The following FBXO36 variants were observed in gnomAD, a reference collection of about 807,000 sequenced individuals.
FBXO36 encodes the protein F-box only protein 36.
Under a neutral mutation model 17.0 loss-of-function variants are expected in FBXO36, and 18 were observed. The ratio of observed to expected loss-of-function variants is 1.06; its 90% CI spans 0.73 to 1.57. The LOEUF is 1.57. Among genes scored for constraint, FBXO36 ranks in the 40% most tolerant of loss-of-function variants. The probability of loss-of-function intolerance (pLI) is 0.00; values close to 1 mark genes in which losing one functional copy is unlikely to be tolerated. For synonymous variants in FBXO36, 83 were observed against 85.3 expected, an observed-to-expected ratio of 0.97 and a Z score of 0.15; for missense variants, 229 against 221.9, an observed-to-expected ratio of 1.03 and a Z score of -0.20.
chr2:229,964,760 C>T (rs776420649), intron 1 of FBXO36, among the ~76,000 whole-genome samples: 5 of 152,214 alleles, frequency 3.3e-5, no homozygotes, highest in African/African-American at 1.2e-4. Context: ...ACCTCGTGAT[C>T]CTTCCGCCTC....
intron 1 of FBXO36, among the ~76,000 whole-genome samples, chr2:229,975,184 C>T (rs551204177): frequency 6.6e-6 from 1 of 152,246 alleles, no homozygotes; most frequent in African/African-American, 2.4e-5. Context: ...ACAAATGTGC[C>T]ATCAGCAGAT....
chr2:229,958,524 C>G (rs1460179255), intron 1 of FBXO36, among the ~76,000 whole-genome samples: 1 of 152,164 alleles, frequency 6.6e-6, no homozygotes, highest in Admixed American at 6.5e-5. Flanking sequence ...CCACCTTGGC[C>G]TCCCTAAGTG....
rs374786470 is a variant in FBXO36 at position 229,926,928 on chromosome 2, C to T, written c.96+4319C>T. On this transcript the variant is annotated intron_variant, in intron 1 of 3. Transcript: ENST00000283946. ...AGGCTGGAGTGCAGTGGGGTGATCT[C>T]GGCTCACTGCAACCTCCACCTTCTG... Among the ~76,000 whole-genome samples, 742 of 151,834 alleles carry T rather than the reference C, an allele frequency of 4.9e-3. 6 individuals are homozygous for T. The highest frequency in any genetic ancestry group is 0.02 in the Middle Eastern group (6 of 294).
At chr2:229,941,552 C>T (rs1352851544) in intron 1 of FBXO36, among the ~76,000 whole-genome samples, 1 of 151,526 alleles carries the variant, frequency 6.6e-6, no homozygotes, top group African/African-American at 2.4e-5. Context: ...CCAGAGGAAG[C>T]TCGAAGTGGC....
At chr2:229,939,770 G>A (rs1233201732) in intron 1 of FBXO36, among the ~76,000 whole-genome samples, 1 of 152,160 alleles carries the variant, frequency 6.6e-6, no homozygotes, top group Non-Finnish European at 1.5e-5. Context: ...CTTTACAGCA[G>A]CTCCTCGAGA....
At chr2:229,939,416 C>A in intron 1 of FBXO36, 2 of 317,142 alleles carry the variant, frequency 6.3e-6, no homozygotes, top group Non-Finnish European at 9.1e-6. Context: ...ACAACCTGGC[C>A]AGCACGGTGA....
At chr2:229,987,276 C>T (rs958392484) in intron 2 of FBXO36, among the ~76,000 whole-genome samples, 9 of 151,058 alleles carry the variant, frequency 6.0e-5, no homozygotes, top group Non-Finnish European at 1.0e-4. Context: ...TAACATTTGT[C>T]CTATTTACTT....
At chr2:229,936,263 C>T (rs555170653) in intron 1 of FBXO36, among the ~76,000 whole-genome samples, 13 of 152,202 alleles carry the variant, frequency 8.5e-5, no homozygotes, top group Non-Finnish European at 1.9e-4. Context: ...CTCTCCCCAT[C>T]ATGCTTCTAT....
chr2:229,954,740 G>T (rs1461170881), intron 1 of FBXO36, among the ~76,000 whole-genome samples: 4 of 148,162 alleles, frequency 2.7e-5, no homozygotes, highest in African/African-American at 7.5e-5. Context: ...GTGGAGACGG[G>T]GTTTCACCGT....
intron 2 of FBXO36, among the ~76,000 whole-genome samples, chr2:229,978,414 C>T (rs1385377818): frequency 6.6e-6 from 1 of 152,010 alleles, no homozygotes; most frequent in African/African-American, 2.4e-5. Flanking sequence ...GAAACCCCAT[C>T]TCTACTAAAA....
chr2:229,994,950 CT>C (rs1439170362), intron 2 of FBXO36, among the ~76,000 whole-genome samples: 1 of 151,824 alleles, frequency 6.6e-6, no homozygotes, highest in African/African-American at 2.4e-5. Flanking sequence ...CCCATCTCTA[CT>C]AAAAATACAA....
At chr2:229,933,922 G>A (rs1235110359) in intron 1 of FBXO36, among the ~76,000 whole-genome samples, 1 of 151,792 alleles carries the variant, frequency 6.6e-6, no homozygotes, top group African/African-American at 2.4e-5. Context: ...CTGAACTCAG[G>A]TGATCTGCCC....
At chr2:229,985,487 A>G (rs1361041239) in intron 2 of FBXO36, among the ~76,000 whole-genome samples, 1 of 149,744 alleles carries the variant, frequency 6.7e-6, no homozygotes, top group Non-Finnish European at 1.5e-5. Context: ...CTCTTACAAC[A>G]CTCCTCCCCT....
Position 229,922,529 on chromosome 2 carries a change from C to T in FBXO36, c.16C>T (p.Pro6Ser), listed in dbSNP as rs769314957. 3 of 1,613,672 alleles carry T rather than the reference C, an allele frequency of 1.9e-6. No homozygotes were observed. Among genetic ancestry groups the T allele is most frequent in the Non-Finnish European group, 2.5e-6 (3 of 1,179,960 alleles). Reference protein sequence around the residue: MASWLPETLFETVGQG... With the variant: MASWLSETLFETVGQG... ...GCGTCCCAAGATGGCGTCGTGGCTG[C>T]CGGAGACTCTCTTTGAAACTGTAGG... is the stretch of plus-strand genomic sequence containing the variant. The change falls in exon 1 of 4, where the codon CCG becomes TCG. Residue 6 changes from proline (P) to serine (S), a missense_variant. Coordinates refer to ENST00000283946, the MANE Select transcript of FBXO36 (RefSeq NM_174899.5).
At chr2:230,009,253 G>A (rs2077402468) in intron 3 of FBXO36, among the ~76,000 whole-genome samples, 1 of 152,104 alleles carries the variant, frequency 6.6e-6, no homozygotes, top group Non-Finnish European at 1.5e-5. Flanking sequence ...ATGGGCAGGG[G>A]GAAGCTGGGT....
chr2:229,962,457 A>G (rs1326541647), intron 1 of FBXO36, among the ~76,000 whole-genome samples: 1 of 151,588 alleles, frequency 6.6e-6, no homozygotes, highest in African/African-American at 2.4e-5. Flanking sequence ...CTGCCTCCCA[A>G]ATAGCTGGCA....
At chr2:229,936,739 C>A (rs1190360770) in intron 1 of FBXO36, among the ~76,000 whole-genome samples, 4 of 152,104 alleles carry the variant, frequency 2.6e-5, no homozygotes, top group Non-Finnish European at 5.9e-5. Context: ...AGCGTGGTGG[C>A]ATGCAACTGT....
chr2:229,985,975 A>G (rs1475988086), intron 2 of FBXO36, among the ~76,000 whole-genome samples: 1 of 152,070 alleles, frequency 6.6e-6, no homozygotes, highest in Non-Finnish European at 1.5e-5. Flanking sequence ...TTGAGCTAGG[A>G]GGTCAAAGCT....
intron 1 of FBXO36, among the ~76,000 whole-genome samples, chr2:229,950,036 G>A (rs1356864967): frequency 1.3e-5 from 2 of 152,220 alleles, no homozygotes; most frequent in Non-Finnish European, 2.9e-5. Context: ...ATCATAGCAT[G>A]TAGCTTCAGT....
Sources: allele counts gnomAD v4.1 joint callset (sites outside exome capture counted in the v4.1 genomes callset), GRCh38; gene constraint gnomAD v4.1.1; transcripts MANE v1.5; gene names NCBI Gene and HGNC (gene_info 2026-07-23, HGNC 2026-07-21).